NLRP13: variants seen among roughly 807,000 people sequenced by gnomAD.
NLRP13 encodes NACHT, LRR and PYD domains-containing protein 13.
NLRP13 carries 82 observed loss-of-function variants against 94.4 expected under a neutral mutation model. The ratio of observed to expected loss-of-function variants is 0.87; its 90% CI spans 0.73 to 1.04. The LOEUF (loss-of-function observed/expected upper bound fraction) is 1.04. NLRP13 is among the 50% of genes least tolerant of loss of function. The pLI is 0.00. For missense variants in NLRP13, 1,426 were observed against 1,230.8 expected (o/e 1.16, Z -2.37); for synonymous variants, 553 against 464.7 (o/e 1.19, Z -2.45).
chr19:55,910,489 C>A, intron 6 of NLRP13, 74 bp downstream of exon 6: 1 of 1,381,694 alleles, frequency 7.2e-7, no homozygotes, highest in Non-Finnish European at 9.7e-7. Flanking sequence ...AATAGTCAAC[C>A]ACACTCATCA....
chr19:55,901,752 T>C (rs1986182908), intron 9 of NLRP13, among the ~76,000 whole-genome samples: 1 of 152,162 alleles, frequency 6.6e-6, no homozygotes, highest in Non-Finnish European at 1.5e-5. Flanking sequence ...CTTGTGTCCT[T>C]TCACCCTGAT....
At chr19:55,907,347 A>G (rs1385388884) in intron 7 of NLRP13, among the ~76,000 whole-genome samples, 1 of 152,132 alleles carries the variant, frequency 6.6e-6, no homozygotes, top group East Asian at 1.9e-4. Context: ...CGAGGCAAGC[A>G]GATTGCTTGA....
At chr19:55,911,356 C>T (rs1034327127) in intron 5 of NLRP13, among the ~76,000 whole-genome samples, 2 of 152,174 alleles carry the variant, frequency 1.3e-5, no homozygotes, top group Non-Finnish European at 2.9e-5. Flanking sequence ...CGCAGCCCCC[C>T]AGTAGCTGGG....
intron 8 of NLRP13, among the ~76,000 whole-genome samples, chr19:55,904,541 C>T (rs8182591): frequency 0.13 from 19,739 of 152,200 alleles, 1,406 homozygotes; most frequent in Non-Finnish European, 0.17. Context: ...ATTCTACTCT[C>T]GTTCTACTTT....
intron 7 of NLRP13, among the ~76,000 whole-genome samples, chr19:55,906,039 G>A (rs978733412): frequency 1.8e-4 from 28 of 152,070 alleles, no homozygotes; most frequent in Admixed American, 1.8e-3. Context: ...GACCTAAGGT[G>A]GTAGGAAGAA....
chr19:55,898,171 C>T (rs1176020538), intron 10 of NLRP13, among the ~76,000 whole-genome samples: 1 of 150,866 alleles, frequency 6.6e-6, no homozygotes, highest in Non-Finnish European at 1.5e-5. Context: ...TGAAAAACTT[C>T]AAGCTTATCA....
Position 55,924,909 on chromosome 19 carries a change from G to A in NLRP13, c.388+58C>T, listed in dbSNP as rs1600278161. 3.6e-6 allele frequency: 5 copies of A among 1,404,542 alleles called. No homozygotes were observed. In the East Asian group the frequency reaches 1.1e-4, roughly 32 times the overall value. The allele number at this position is 1,404,542 out of a possible 1,614,324, so 87.0% of individuals were successfully genotyped here. A position where few individuals can be genotyped will look rare whatever the true frequency, so the allele number is the denominator to read the frequency against. ...CAGAGTAGGCAGCGGATGTGGACCA[G>A]TGAATGAGTGCTCCATCAAGCAACC... On this transcript the variant is annotated intron_variant, in intron 2 of 10. Transcript: ENST00000342929.
chr19:55,895,380 CAAAAA>C (rs1190939582), downstream of NLRP13, among the ~76,000 whole-genome samples: 1 of 151,464 alleles, frequency 6.6e-6, no homozygotes, highest in Non-Finnish European at 1.5e-5. Context: ...GACTCCATCT[CAAAAA>C]AGAAAAGAAA....
At chr19:55,929,806 A>G (rs1427348182) in intron 1 of NLRP13, among the ~76,000 whole-genome samples, 3 of 152,246 alleles carry the variant, frequency 2.0e-5, no homozygotes, top group Non-Finnish European at 4.4e-5. Context: ...GAAAATAATA[A>G]AGATAAAATC....
In NLRP13 at chr19:55,907,909, G is replaced by T. The variant is rs1986399300; in HGVS notation, c.2330C>A (p.Ala777Asp). Residue 777 changes from alanine to aspartate, a missense_variant, in exon 7 of 11, where the codon GCC becomes GAC. Physicochemically the swap from Ala to Asp is moderately radical, Grantham distance 126. Coordinates refer to ENST00000342929, the MANE Select transcript of NLRP13 (RefSeq NM_176810.2). ...GGTCAGCTTGCTGTTACCCTGAAGGGCAATAATGAGGTCCTGCAGAACCCA... is the reference window on the plus strand; with the variant it reads ...GGTCAGCTTGCTGTTACCCTGAAGGTCAATAATGAGGTCCTGCAGAACCCA... ...PEWVLQDLII[A>D]LQGNSKLTHL... The T allele has an allele frequency of 3.1e-6, 5 of 1,613,088 alleles. No homozygotes were observed. The East Asian group carries it at 8.9e-5, about 29-fold the overall frequency.
At chr19:55,905,503 A>T (rs987425924) in intron 7 of NLRP13, among the ~76,000 whole-genome samples, 1 of 149,110 alleles carries the variant, frequency 6.7e-6, no homozygotes, top group Non-Finnish European at 1.5e-5. Context: ...ATATACATAT[A>T]TATCTGGGCA....
At chr19:55,906,919 C>G (rs1986369940) in intron 7 of NLRP13, among the ~76,000 whole-genome samples, 1 of 152,102 alleles carries the variant, frequency 6.6e-6, no homozygotes, top group South Asian at 2.1e-4. Flanking sequence ...GGTCCCACCC[C>G]AAATGTGCAG....
intron 10 of NLRP13, among the ~76,000 whole-genome samples, chr19:55,897,839 G>A (rs963809153): frequency 6.6e-6 from 1 of 152,194 alleles, no homozygotes. Context: ...TACAATTTGA[G>A]TCGGTTCATT....
At chr19:55,923,584 C>A (rs1252063619) in intron 4 of NLRP13, among the ~76,000 whole-genome samples, 1 of 152,144 alleles carries the variant, frequency 6.6e-6, no homozygotes, top group East Asian at 1.9e-4. Context: ...TAAATAAATG[C>A]CCGCAGTGCC....
intron 1 of NLRP13, 56 bp from the exon 2 acceptor site, chr19:55,925,091 C>T (rs1481503872): frequency 3.4e-6 from 5 of 1,487,632 alleles, no homozygotes; most frequent in Non-Finnish European, 4.7e-6. Context: ...AATGGACCAG[C>T]AATAATGGAG....
Position 55,911,707 on chromosome 19 carries a change from C to A in NLRP13, c.2110G>T (p.Glu704Ter), listed in dbSNP as rs770624931. ...AAAGAAATGGTTTGTAATACTCACT[C>A]CAGAATTTCCAAGTCCCTTTCAAGG... Reference protein sequence around the residue: ...HILERDLEILETSKFDSRMHA... With the variant: ...HILERDLEIL The change falls in exon 5 of 11, where the codon GAG (glutamate) becomes TAG (stop). Residue 704 changes from glutamate to a stop codon, truncating the protein, a stop_gained and splice_region_variant. Coordinates refer to ENST00000342929, the MANE Select transcript of NLRP13 (RefSeq NM_176810.2). LOFTEE classifies it high-confidence loss of function. The A allele has an allele frequency of 1.9e-6, 3 of 1,591,658 alleles. No individual in the cohort carries two copies. Among genetic ancestry groups the A allele is most frequent in the African/African-American group, 2.7e-5 (2 of 73,678 alleles).
intron 1 of NLRP13, among the ~76,000 whole-genome samples, chr19:55,929,238 C>G (rs905772102): frequency 6.6e-6 from 1 of 152,114 alleles, no homozygotes; most frequent in Non-Finnish European, 1.5e-5. Flanking sequence ...GGATCTAGAA[C>G]TAGAAATACC....
chr19:55,917,794 A>T (rs999633608), intron 4 of NLRP13, among the ~76,000 whole-genome samples: 1 of 152,142 alleles, frequency 6.6e-6, no homozygotes, highest in Admixed American at 6.5e-5. Context: ...TTAGACCTAA[A>T]GACAGCAAAA....
At chr19:55,895,826 C>G, downstream of NLRP13, 1 of 1,107,430 alleles carries the variant, frequency 9.0e-7, no homozygotes, top group Non-Finnish European at 1.3e-6. Flanking sequence ...ACTGGAAGTT[C>G]CGTTGGCCTG....
Sources: allele counts gnomAD v4.1 joint callset (sites outside exome capture counted in the v4.1 genomes callset), GRCh38; gene constraint gnomAD v4.1.1; transcripts MANE v1.5; gene names NCBI Gene and HGNC (gene_info 2026-07-23, HGNC 2026-07-21).